Variants in HIPK2 observed in about 807,000 individuals in gnomAD.
The protein encoded by HIPK2 is homeodomain-interacting protein kinase 2.
Under a neutral mutation model 113.7 loss-of-function variants are expected in HIPK2, and 27 were observed. That is an observed-to-expected ratio of 0.24 (90% CI 0.17 to 0.33). The LOEUF (loss-of-function observed/expected upper bound fraction) is 0.33, where lower values mean the gene tolerates loss of function less well. Among genes scored for constraint, HIPK2 ranks in the 10% least tolerant of loss-of-function variants. The pLI, the probability that HIPK2 is intolerant of heterozygous loss-of-function variation, is 1.00. For synonymous variants in HIPK2, 631 were observed against 642.2 expected, an observed-to-expected ratio of 0.98 and a Z score of 0.26; for missense variants, 1,257 against 1,588.0, an observed-to-expected ratio of 0.79 and a Z score of 3.54.
intron 2 of HIPK2, among the ~76,000 whole-genome samples, chr7:139,661,487 C>G (rs1419660417): frequency 6.6e-6 from 1 of 152,198 alleles, no homozygotes; most frequent in Non-Finnish European, 1.5e-5. Flanking sequence ...GGGGTCTTCT[C>G]CTTTCTTCTC....
In HIPK2 at chr7:139,572,999, G is replaced by C. The variant is rs1444889448; in HGVS notation, c.3525C>G (p.Ala1175=). 1 of 1,610,588 alleles carries C rather than the reference G, an allele frequency of 6.2e-7. No homozygotes were observed. Among genetic ancestry groups the C allele is most frequent in the Non-Finnish European group, 8.5e-7 (1 of 1,178,510 alleles). Residue 1175 remains alanine, a synonymous_variant, in exon 15 of 15, where the codon GCC becomes GCG. Transcript: ENST00000406875. The part of the protein sequence containing the change: ...AQFAHQTYIS[A]SPASTVYTGY... Reference sequence around the variant, plus strand: ...CAGTGTAGACGGTGGAGGCTGGCGAGGCGCTGATGTAGGTCTGGTGGGCAA... The same window carrying C: ...CAGTGTAGACGGTGGAGGCTGGCGACGCGCTGATGTAGGTCTGGTGGGCAA...
At chr7:139,659,483 G>A (rs776439846) in intron 2 of HIPK2, among the ~76,000 whole-genome samples, 5 of 152,192 alleles carry the variant, frequency 3.3e-5, no homozygotes, top group African/African-American at 9.7e-5. Context: ...ACAGACCCCC[G>A]GCTGCAGCTG....
intron 1 of HIPK2, among the ~76,000 whole-genome samples, chr7:139,762,656 G>T (rs1403239658): frequency 1.3e-5 from 2 of 152,150 alleles, no homozygotes; most frequent in Non-Finnish European, 2.9e-5. Flanking sequence ...CTAAAAGGGT[G>T]GCAATTTCCT....
chr7:139,698,299 C>T (rs1794618415), intron 2 of HIPK2, among the ~76,000 whole-genome samples: 1 of 152,124 alleles, frequency 6.6e-6, no homozygotes, highest in African/African-American at 2.4e-5. Context: ...TTTTCCTTTT[C>T]GTGGCGAAAT....
chr7:139,572,845 T>G lies in HIPK2; in HGVS notation c.*82A>C, dbSNP rs1025093825. 2.5e-4 allele frequency: 248 copies of G among 1,004,484 alleles called. No individual in the cohort carries two copies. The highest frequency in any genetic ancestry group is 2.9e-4 in the Non-Finnish European group (232 of 789,350). 62.2% of individuals were successfully genotyped at this position (1,004,484 alleles called of 1,614,324 possible). A position where few individuals can be genotyped will look rare whatever the true frequency, so the allele number is the denominator to read the frequency against. Reference sequence around the variant, plus strand: ...CAGTATAAAAGGCCAGCGCCCACGGTCCCAGGAGCGCCTCCCTCCTTCTCT... The same window carrying G: ...CAGTATAAAAGGCCAGCGCCCACGGGCCCAGGAGCGCCTCCCTCCTTCTCT... On this transcript the variant is annotated 3_prime_UTR_variant, in exon 15 of 15. Transcript: ENST00000406875.
intron 7 of HIPK2, among the ~76,000 whole-genome samples, chr7:139,616,750 C>A (rs892094696): frequency 6.6e-6 from 1 of 152,224 alleles, no homozygotes; most frequent in Non-Finnish European, 1.5e-5. Context: ...GTCTTTCCAG[C>A]CTAAAGTCTC....
intron 1 of HIPK2, among the ~76,000 whole-genome samples, chr7:139,771,765 T>C (rs1480442217): frequency 6.6e-6 from 1 of 151,924 alleles, no homozygotes; most frequent in Non-Finnish European, 1.5e-5. Flanking sequence ...CTAGAGAGAG[T>C]TCAGAAGAGA....
intron 9 of HIPK2, among the ~76,000 whole-genome samples, chr7:139,605,198 A>T (rs1469109164): frequency 1.3e-5 from 2 of 152,044 alleles, no homozygotes; most frequent in Non-Finnish European, 1.5e-5. Flanking sequence ...AAGAAATCTA[A>T]AATGAACGTT....
intron 2 of HIPK2, among the ~76,000 whole-genome samples, chr7:139,670,311 T>C (rs192190704): frequency 1.5e-3 from 226 of 152,102 alleles, no homozygotes; most frequent in African/African-American, 5.2e-3. Context: ...TGGCTGGGGA[T>C]GGTGGCTCAC....
At chr7:139,738,374 C>G (rs1168238262) in intron 1 of HIPK2, among the ~76,000 whole-genome samples, 1 of 152,244 alleles carries the variant, frequency 6.6e-6, no homozygotes, top group Admixed American at 6.5e-5. Flanking sequence ...TCTGTAGTCT[C>G]TATTGTCTGA....
In HIPK2 at chr7:139,564,845, TG is replaced by T. The variant is rs1254235733; in HGVS notation, c.*8081del. 6.6e-6 allele frequency: 1 copy of T among 152,254 alleles called. No homozygotes were observed. Among genetic ancestry groups the T allele is most frequent in the East Asian group, 1.9e-4 (1 of 5,204 alleles). The allele number at this position is 152,254 out of a possible 1,614,324, so 9.4% of individuals were successfully genotyped here. A position where few individuals can be genotyped will look rare whatever the true frequency, so the allele number is the denominator to read the frequency against. ...AATTGTTTAGTTTACTCATTTAAAA[TG>T]TGACTGTTTTGATAGCTTAGAAGGC... On this transcript the variant is annotated 3_prime_UTR_variant, in exon 15 of 15. Transcript: ENST00000406875.
At chr7:139,775,627 A>C (rs757832170) in intron 1 of HIPK2, among the ~76,000 whole-genome samples, 8 of 152,192 alleles carry the variant, frequency 5.3e-5, no homozygotes, top group South Asian at 2.1e-4. Flanking sequence ...ACAGGGAAGG[A>C]AGGCTGGCAA....
At chr7:139,694,873 C>A (rs945647891) in intron 2 of HIPK2, among the ~76,000 whole-genome samples, 19 of 152,298 alleles carry the variant, frequency 1.2e-4, no homozygotes, top group African/African-American at 4.1e-4. Flanking sequence ...CAGTTGCATG[C>A]AGACATTACA....
At chr7:139,726,713 G>A (rs896542562) in intron 1 of HIPK2, among the ~76,000 whole-genome samples, 1 of 152,166 alleles carries the variant, frequency 6.6e-6, no homozygotes, top group Non-Finnish European at 1.5e-5. Context: ...AAAAGGGAAT[G>A]GAAATCAATA....
chr7:139,755,633 GAGA>G (rs1474250663), intron 1 of HIPK2, among the ~76,000 whole-genome samples: 1 of 152,190 alleles, frequency 6.6e-6, no homozygotes, highest in African/African-American at 2.4e-5. Flanking sequence ...CAGCCTCTCT[GAGA>G]AGAAGCCTTA....
chr7:139,690,880 TA>T (rs988141947), intron 2 of HIPK2, among the ~76,000 whole-genome samples: 1 of 152,242 alleles, frequency 6.6e-6, no homozygotes, highest in Non-Finnish European at 1.5e-5. Flanking sequence ...CTTTTCTTTA[TA>T]AATTACCCAG....
chr7:139,574,997 G>T, intron 14 of HIPK2, 131 bp downstream of exon 14: 2 of 1,246,126 alleles, frequency 1.6e-6, no homozygotes, highest in South Asian at 1.6e-5. Context: ...CCAAGGGCAT[G>T]TGCTGCCACC....
intron 2 of HIPK2, among the ~76,000 whole-genome samples, chr7:139,674,100 TGGA>T (rs986173260): frequency 2.0e-5 from 3 of 151,104 alleles, no homozygotes; most frequent in African/African-American, 7.3e-5. Flanking sequence ...GACTTTTGGC[TGGA>T]GATTTTAATT....
chr7:139,750,246 T>C (rs925115487), intron 1 of HIPK2, among the ~76,000 whole-genome samples: 2 of 152,188 alleles, frequency 1.3e-5, no homozygotes, highest in Admixed American at 1.3e-4. Flanking sequence ...TTAGCACAGT[T>C]TTCCACCCAA....
Sources: allele counts gnomAD v4.1 joint callset (sites outside exome capture counted in the v4.1 genomes callset), GRCh38; gene constraint gnomAD v4.1.1; transcripts MANE v1.5; gene names NCBI Gene and HGNC (gene_info 2026-07-23, HGNC 2026-07-21).